The following ATF1 variants were observed in gnomAD, a reference collection of about 807,000 sequenced individuals.
ATF1 encodes cyclic AMP-dependent transcription factor ATF-1.
In ATF1, 16 loss-of-function variants were observed where a neutral mutation model predicts 34.7. That is an observed-to-expected ratio of 0.46 (90% confidence interval 0.31 to 0.70). The LOEUF is 0.70. ATF1 is among the 30% of genes least tolerant of loss of function. ATF1 has a pLI of 0.05. For missense variants in ATF1, 255 were observed against 321.6 expected, an observed-to-expected ratio of 0.79 and a Z score of 1.58; for synonymous variants, 105 against 113.1, an observed-to-expected ratio of 0.93 and a Z score of 0.46.
intron 2 of ATF1, among the ~76,000 whole-genome samples, chr12:50,781,272 A>G (rs1360292127): frequency 1.3e-5 from 2 of 152,160 alleles, no homozygotes; most frequent in African/African-American, 2.4e-5. Context: ...TACTATGTAA[A>G]TGCTATGTGA....
chr12:50,776,735 C>CT (rs1940936169), intron 1 of ATF1, among the ~76,000 whole-genome samples: 1 of 152,050 alleles, frequency 6.6e-6, no homozygotes, highest in Non-Finnish European at 1.5e-5. Flanking sequence ...AAGTAATTCT[C>CT]TTTTTTGGAA....
At chr12:50,764,788 C>T (rs1313683322) in intron 1 of ATF1, 1 of 152,360 alleles carries the variant, frequency 6.6e-6, no homozygotes, top group East Asian at 1.9e-4. Flanking sequence ...AGAGGCGCGC[C>T]CCTTACCCTC....
chr12:50,797,726 C>G (rs903526319), intron 3 of ATF1, among the ~76,000 whole-genome samples: 61 of 152,132 alleles, frequency 4.0e-4, no homozygotes, highest in Admixed American at 4.0e-3. Flanking sequence ...CCACCTCAGC[C>G]TCCCAAAGTG....
rs1941779989 is a variant in ATF1 at position 50,813,554 on chromosome 12, C to CT, written c.329-455dup. On this transcript the variant is annotated intron_variant, in intron 4 of 6. Transcript: ENST00000262053. ...TGGGGCCAAGTGCAGTGGCTCATGCCTGTAATCCCAGCACTTTGGGAGGCT... is the reference window on the plus strand; with the variant it reads ...TGGGGCCAAGTGCAGTGGCTCATGCCTTGTAATCCCAGCACTTTGGGAGGCT... 2.0e-5 allele frequency among the ~76,000 whole-genome samples: 3 copies of CT among 152,128 alleles called. No homozygotes were observed. In the South Asian group the frequency reaches 6.2e-4, roughly 32 times the overall value.
intron 1 of ATF1, among the ~76,000 whole-genome samples, chr12:50,767,822 G>T (rs1384673766): frequency 6.6e-6 from 1 of 151,444 alleles, no homozygotes; most frequent in African/African-American, 2.4e-5. Context: ...CTTCTGGGAA[G>T]GTCAACAGAG....
chr12:50,814,368 G>A lies in ATF1; in HGVS notation c.600G>A (p.Val200=), dbSNP rs1378633564. The A allele has an allele frequency of 1.9e-6, 3 of 1,614,092 alleles. No homozygotes were observed. Among genetic ancestry groups the A allele is most frequent in the South Asian group, 2.2e-5 (2 of 91,076 alleles). Residue 200 remains valine (V), a synonymous_variant, in exon 6 of 7, where the codon GTG becomes GTA. Coordinates refer to ENST00000262053, the MANE Select transcript of ATF1 (RefSeq NM_005171.5). ...LPQTVVMTSP[V]TLTSQTTKTD... Reference sequence around the variant, plus strand: ...AAACTGTGGTGATGACATCTCCTGTGACTCTCACCTCTCAGACAACTAAGA... The same window carrying A: ...AAACTGTGGTGATGACATCTCCTGTAACTCTCACCTCTCAGACAACTAAGA...
At position 50,796,029 on chromosome 12, in the gene ATF1, A is replaced by G; in HGVS notation, c.194+20A>G. The G allele has an allele frequency of 6.4e-7, 1 of 1,564,666 alleles. No homozygotes were observed. Among genetic ancestry groups the G allele is most frequent in the Non-Finnish European group, 8.7e-7 (1 of 1,147,952 alleles). On this transcript the variant is annotated intron_variant, in intron 3 of 6. Transcript: ENST00000262053. ...TTACAGGTGAGTACTCTCTTGTATG[A>G]AGCCCTGCATGTTATGATAGTACCA...
At chr12:50,808,362 C>G (rs1941661143) in intron 3 of ATF1, among the ~76,000 whole-genome samples, 1 of 151,970 alleles carries the variant, frequency 6.6e-6, no homozygotes, top group Non-Finnish European at 1.5e-5. Flanking sequence ...GAATCTCACT[C>G]TGTCGCCCAG....
chr12:50,819,538 A>ATACTACACACAGAGTGTAGAT lies in ATF1; in HGVS notation c.672-97_672-96insTACTACACACAGAGTGTAGAT, dbSNP rs1941906812. 3 of 1,376,732 alleles carry ATACTACACACAGAGTGTAGAT rather than the reference A, an allele frequency of 2.2e-6. No homozygotes were observed. The African/African-American group carries it at 4.4e-5, about 20-fold the overall frequency. The allele number at this position is 1,376,732 out of a possible 1,614,324, so 85.3% of individuals were successfully genotyped here. ...TCTGTGTGTAGATGATACTTTAAAGAGAAAAAAAGGTGACCACGGAAAATT... is the reference window on the plus strand; with the variant it reads ...TCTGTGTGTAGATGATACTTTAAAGATACTACACACAGAGTGTAGATGAAAAAAAGGTGACCACGGAAAATT... On this transcript the variant is annotated intron_variant, in intron 6 of 6. Transcript: ENST00000262053.
At chr12:50,784,180 T>G (rs976682082) in intron 2 of ATF1, among the ~76,000 whole-genome samples, 3 of 151,442 alleles carry the variant, frequency 2.0e-5, no homozygotes, top group African/African-American at 4.9e-5. Flanking sequence ...AAGAAAAAAA[T>G]TATGTAAAGG....
chr12:50,772,751 C>T (rs1402647870), intron 1 of ATF1, among the ~76,000 whole-genome samples: 1 of 151,132 alleles, frequency 6.6e-6, no homozygotes, highest in African/African-American at 2.4e-5. Flanking sequence ...TGCGCCTAGC[C>T]TTTTTTTTTC....
upstream of ATF1, chr12:50,764,097 C>T (rs1324907856): frequency 2.1e-5 from 3 of 145,752 alleles, no homozygotes; most frequent in African/African-American, 5.0e-5. Context: ...TAGATCATGC[C>T]GCCAGTAGCG....
chr12:50,786,432 A>G (rs1592179489), intron 2 of ATF1, among the ~76,000 whole-genome samples: 1 of 151,688 alleles, frequency 6.6e-6, no homozygotes, highest in Non-Finnish European at 1.5e-5. Context: ...AATCCTTGGG[A>G]GCTGCAGACA....
At chr12:50,798,544 C>T (rs554315731) in intron 3 of ATF1, among the ~76,000 whole-genome samples, 9 of 152,128 alleles carry the variant, frequency 5.9e-5, no homozygotes, top group South Asian at 2.1e-4. Flanking sequence ...CTCCTGACCT[C>T]GTGATCTGCC....
At chr12:50,769,059 C>T (rs1940708637) in intron 1 of ATF1, among the ~76,000 whole-genome samples, 2 of 152,062 alleles carry the variant, frequency 1.3e-5, no homozygotes, top group South Asian at 2.1e-4. Context: ...AAGTAAAAGT[C>T]GCTAAAAGTT....
intron 3 of ATF1, among the ~76,000 whole-genome samples, chr12:50,798,142 C>G (rs1353795989): frequency 6.6e-6 from 1 of 150,614 alleles, no homozygotes; most frequent in Non-Finnish European, 1.5e-5. Context: ...GAGTGAGACT[C>G]CATCTCTAAA....
At chr12:50,771,417 A>G (rs145306686) in intron 1 of ATF1, among the ~76,000 whole-genome samples, 26 of 152,226 alleles carry the variant, frequency 1.7e-4, no homozygotes, top group Non-Finnish European at 2.6e-4. Context: ...CTTTTGTTGA[A>G]ACTTGAGTTA....
intron 2 of ATF1, among the ~76,000 whole-genome samples, chr12:50,794,470 C>G (rs1240004892): frequency 6.6e-6 from 1 of 151,264 alleles, no homozygotes; most frequent in Non-Finnish European, 1.5e-5. Context: ...GAGGCTGAGG[C>G]AGGAGAATCA....
At chr12:50,815,560 T>C (rs1941827232) in intron 6 of ATF1, among the ~76,000 whole-genome samples, 1 of 151,538 alleles carries the variant, frequency 6.6e-6, no homozygotes, top group Non-Finnish European at 1.5e-5. Context: ...TAATTTTTTT[T>C]TTTTTTCTTG....
Sources: gnomAD v4.1 joint callset for allele counts (sites outside exome capture counted in the v4.1 genomes callset) on GRCh38, gnomAD v4.1.1 for gene constraint, MANE v1.5 for transcripts, NCBI Gene and HGNC (gene_info 2026-07-23, HGNC 2026-07-21) for gene names.